ENTREP2: variants seen among roughly 807,000 people sequenced by gnomAD.
The protein encoded by ENTREP2 is protein ENTREP2.
the ENTREP2 span, among the ~76,000 whole-genome samples, chr15:29,199,664 G>A: frequency 1.3e-5 from 2 of 152,258 alleles, no homozygotes; most frequent in East Asian, 3.9e-4. Flanking sequence ...TATGCGGCTT[G>A]TAAATATTTT....
chr15:29,658,128 TG>T, the ENTREP2 span, among the ~76,000 whole-genome samples: 4 of 152,206 alleles, frequency 2.6e-5, no homozygotes, highest in South Asian at 4.2e-4. Context: ...CCACATGTCT[TG>T]GGGGGGACCA....
the ENTREP2 span, among the ~76,000 whole-genome samples, chr15:29,603,485 G>T: frequency 1.7e-3 from 259 of 152,254 alleles, no homozygotes; most frequent in African/African-American, 6.0e-3. Context: ...AACCTGCAAA[G>T]ATGACTCCTG....
the ENTREP2 span, among the ~76,000 whole-genome samples, chr15:29,515,219 G>T: frequency 6.6e-6 from 1 of 152,192 alleles, no homozygotes; most frequent in Middle Eastern, 3.2e-3. Flanking sequence ...CAGCCAGAGT[G>T]GGTCAGACCT....
chr15:29,327,587 C>G, the ENTREP2 span, among the ~76,000 whole-genome samples: 1 of 143,046 alleles, frequency 7.0e-6, no homozygotes, highest in Non-Finnish European at 1.5e-5. Context: ...AGAGCAAGAC[C>G]CCATCTCAAA....
the ENTREP2 span, among the ~76,000 whole-genome samples, chr15:29,582,607 A>ACTGT: frequency 1.3e-5 from 2 of 151,908 alleles, no homozygotes; most frequent in African/African-American, 4.8e-5. Context: ...AATATTAAGA[A>ACTGT]CTGTCTCTCA....
chr15:29,124,572 TC>T, the ENTREP2 span: 22 of 819,354 alleles, frequency 2.7e-5, no homozygotes, highest in African/African-American at 3.8e-4. Flanking sequence ...CAGCCCCCAT[TC>T]CCGGGGGTGG....
At chr15:29,437,905 C>T in the ENTREP2 span, among the ~76,000 whole-genome samples, 3 of 152,168 alleles carry the variant, frequency 2.0e-5, no homozygotes, top group Admixed American at 6.6e-5. Context: ...TCAACCTGAC[C>T]GTGGTATTCA....
the ENTREP2 span, among the ~76,000 whole-genome samples, chr15:29,448,850 T>C: frequency 6.6e-6 from 1 of 152,110 alleles, no homozygotes; most frequent in East Asian, 1.9e-4. Context: ...TTTTGAAAAA[T>C]CAATCTGAAA....
At chr15:29,632,774 G>A in the ENTREP2 span, among the ~76,000 whole-genome samples, 1 of 152,206 alleles carries the variant, frequency 6.6e-6, no homozygotes, top group Admixed American at 6.5e-5. Flanking sequence ...CAGGTCCCAA[G>A]AGCAAGCCGC....
the ENTREP2 span, among the ~76,000 whole-genome samples, chr15:29,496,239 C>T: frequency 2.0e-5 from 3 of 151,840 alleles, no homozygotes; most frequent in Non-Finnish European, 4.4e-5. Context: ...AACACAACTG[C>T]TTTTTATATC....
At chr15:29,212,191 T>C in the ENTREP2 span, among the ~76,000 whole-genome samples, 4 of 152,250 alleles carry the variant, frequency 2.6e-5, no homozygotes, top group African/African-American at 9.6e-5. Context: ...TAATTCTTCC[T>C]GCCTTACGCT....
chr15:29,570,038 GC>G, the ENTREP2 span: 36 of 75,598 alleles, frequency 4.8e-4, no homozygotes, highest in Non-Finnish European at 8.6e-4. Context: ...CCCCTCCCCC[GC>G]CCCCCCACCC....
chr15:29,213,878 G>C, the ENTREP2 span, among the ~76,000 whole-genome samples: 2 of 152,144 alleles, frequency 1.3e-5, no homozygotes, highest in Admixed American at 6.5e-5. Flanking sequence ...AAGTGGGTGA[G>C]GATATGAACA....
chr15:29,621,870 A>G, the ENTREP2 span, among the ~76,000 whole-genome samples: 2 of 152,360 alleles, frequency 1.3e-5, no homozygotes, highest in East Asian at 3.9e-4. Flanking sequence ...CCAAGCATCC[A>G]TCCACAGACA....
At chr15:29,487,622 C>T in the ENTREP2 span, among the ~76,000 whole-genome samples, 2 of 152,182 alleles carry the variant, frequency 1.3e-5, no homozygotes, top group South Asian at 4.1e-4. Context: ...TAGCAAGCAA[C>T]AACAAACCCT....
chr15:29,565,555 T>A, the ENTREP2 span, among the ~76,000 whole-genome samples: 168 of 151,090 alleles, frequency 1.1e-3, no homozygotes, highest in African/African-American at 4.0e-3. Flanking sequence ...TGTTAAAAAA[T>A]AATAATAATG....
the ENTREP2 span, among the ~76,000 whole-genome samples, chr15:29,656,565 G>C: frequency 6.6e-6 from 1 of 152,160 alleles, no homozygotes; most frequent in Non-Finnish European, 1.5e-5. Context: ...ATAGCAGACA[G>C]AAACTTGGGC....
the ENTREP2 span, among the ~76,000 whole-genome samples, chr15:29,491,680 C>T: frequency 6.6e-6 from 1 of 152,164 alleles, no homozygotes; most frequent in African/African-American, 2.4e-5. Flanking sequence ...TTCTCTCACA[C>T]AGCCCAAAGT....
chr15:29,423,912 T>A, the ENTREP2 span, among the ~76,000 whole-genome samples: 11 of 152,316 alleles, frequency 7.2e-5, no homozygotes, highest in Admixed American at 5.2e-4. Flanking sequence ...ATTCAGACTA[T>A]CTCAATGGGA....
Sources: allele counts gnomAD v4.1 joint callset (sites outside exome capture counted in the v4.1 genomes callset), GRCh38; gene constraint gnomAD v4.1.1; transcripts MANE v1.5; gene names NCBI Gene and HGNC (gene_info 2026-07-23, HGNC 2026-07-21).